Variants in MIB1 observed in about 807,000 individuals in gnomAD.
The protein encoded by MIB1 is E3 ubiquitin-protein ligase MIB1.
MIB1 carries 278 observed loss-of-function variants against 124.5 expected under a neutral mutation model. The ratio of observed to expected loss-of-function variants is 2.23; its 90% CI spans 2.02 to 2.47. MIB1 has a LOEUF of 2.47. MIB1 is among the 30% of genes most tolerant of loss of function. The pLI is 0.00. For synonymous variants in MIB1, 446 were observed against 429.4 expected (o/e 1.04, Z -0.48); for missense variants, 957 against 1,254.4 (o/e 0.76, Z 3.58).
At chr18:21,748,729 CCT>C (rs1568185146) in intron 1 of MIB1, among the ~76,000 whole-genome samples, 1 of 136,928 alleles carries the variant, frequency 7.3e-6, no homozygotes, top group African/African-American at 2.9e-5. Context: ...TCATGCCCAG[CCT>C]TTTTTTTTTT....
chr18:21,729,791 A>C (rs2040759685), intron 1 of MIB1, among the ~76,000 whole-genome samples: 1 of 152,168 alleles, frequency 6.6e-6, no homozygotes, highest in African/African-American at 2.4e-5. Flanking sequence ...CACCCAGCTC[A>C]AGCCTCTCTT....
intron 1 of MIB1, among the ~76,000 whole-genome samples, chr18:21,730,574 A>G (rs988764650): frequency 6.6e-6 from 1 of 151,976 alleles, no homozygotes; most frequent in Non-Finnish European, 1.5e-5. Flanking sequence ...TCTAAAAAAA[A>G]CCAACCATAC....
chr18:21,842,873 T>C (rs956637592), intron 13 of MIB1, among the ~76,000 whole-genome samples: 1 of 152,222 alleles, frequency 6.6e-6, no homozygotes, highest in African/African-American at 2.4e-5. Flanking sequence ...CTTTGTCCTT[T>C]TTAACTGTTC....
At chr18:21,734,307 G>T (rs1455782961) in intron 1 of MIB1, among the ~76,000 whole-genome samples, 1 of 150,108 alleles carries the variant, frequency 6.7e-6, no homozygotes, top group East Asian at 2.0e-4. Context: ...GGGTTTCACC[G>T]TGTTGGCCAG....
At chr18:21,834,650 G>A (rs990402185) in intron 12 of MIB1, among the ~76,000 whole-genome samples, 1 of 152,152 alleles carries the variant, frequency 6.6e-6, no homozygotes, top group Non-Finnish European at 1.5e-5. Context: ...CATGAGAAAA[G>A]CATCAGACAA....
chr18:21,750,897 A>G (rs1340569968), intron 1 of MIB1, among the ~76,000 whole-genome samples: 7 of 151,736 alleles, frequency 4.6e-5, no homozygotes, highest in Admixed American at 3.9e-4. Flanking sequence ...GCTTCTTTTT[A>G]TGTTGTAAGA....
At chr18:21,820,027 AC>A (rs1171554418) in intron 12 of MIB1, among the ~76,000 whole-genome samples, 6 of 152,236 alleles carry the variant, frequency 3.9e-5, no homozygotes, top group Admixed American at 2.6e-4. Context: ...CTAAATAAAT[AC>A]TAAGTTACCT....
intron 20 of MIB1, 102 bp from the exon 21 acceptor site, chr18:21,864,421 ATAT>A (rs2042303760): frequency 1.1e-6 from 1 of 921,076 alleles, no homozygotes; most frequent in South Asian, 2.0e-5. Context: ...AACCACCAAA[ATAT>A]TATTTGACTA....
Position 21,823,231 on chromosome 18 carries a change from CAA to C in MIB1, c.1829+3601_1829+3602del, listed in dbSNP as rs11315288. 9.0e-3 allele frequency among the ~76,000 whole-genome samples: 1,171 copies of C among 129,830 alleles called. 6 individuals carry two copies. Among genetic ancestry groups the C allele is most frequent in the Admixed American group, 0.012 (153 of 13,008 alleles). The allele number at this position is 129,830 out of a possible 152,430, so 85.2% of individuals were successfully genotyped here. On this transcript the variant is annotated intron_variant, in intron 12 of 20. Transcript: ENST00000261537. ...TCTGGGTTACAGATCAAGACTGTATCAAAAAAAAAAAAAAAAAGAATCAGCTG... is the reference window on the plus strand; with the variant it reads ...TCTGGGTTACAGATCAAGACTGTATCAAAAAAAAAAAAAAAGAATCAGCTG...
rs1220201208 is a variant in MIB1, at chr18:21,825,852, T to G, written c.1829+6206T>G. 5 of 418,242 alleles carry G rather than the reference T, an allele frequency of 1.2e-5. No homozygotes were observed. In the Admixed American group the frequency reaches 1.7e-4, roughly 14 times the overall value. The allele number at this position is 418,242 out of a possible 1,614,324, so 25.9% of individuals were successfully genotyped here. The stretch of plus-strand genomic sequence containing the variant: ...ATTGGTAAAATTACAGTCATGGACC[T>G]TCTACAAGTGTTAGAAATTATCATA... On this transcript the variant is annotated intron_variant, in intron 12 of 20. Coordinates refer to ENST00000261537, the MANE Select transcript of MIB1 (RefSeq NM_020774.4).
At chr18:21,736,350 T>C (rs2040796945), upstream of MIB1, among the ~76,000 whole-genome samples, 1 of 151,918 alleles carries the variant, frequency 6.6e-6, no homozygotes, top group Non-Finnish European at 1.5e-5. Context: ...AAAAAGGACG[T>C]CATCCGAAGG....
At chr18:21,840,627 GTATATATATATATATATATA>G (rs57360671) in intron 13 of MIB1, among the ~76,000 whole-genome samples, 3,085 of 110,576 alleles carry the variant, frequency 0.028, 87 homozygotes, top group African/African-American at 0.074. Flanking sequence ...CATCTCTACT[GTATATATATATATATATATA>G]TATATATATA....
At chr18:21,739,737 C>A (rs903026075), upstream of MIB1, among the ~76,000 whole-genome samples, 2 of 151,836 alleles carry the variant, frequency 1.3e-5, no homozygotes, top group African/African-American at 2.4e-5. Context: ...CACTGCCCCC[C>A]CGCTCATCTC....
Position 21,864,620 on chromosome 18 carries a change from G to A in MIB1, c.2975G>A (p.Cys992Tyr), listed in dbSNP as rs761593152. The part of the protein sequence containing the change: ...CQLCGDRMSE[C>Y]PICRKAIERR... Reference sequence around the variant, plus strand: ...CTCTGTGGAGACCGCATGAGTGAATGTCCTATCTGTCGCAAGGCTATTGAA... The same window carrying A: ...CTCTGTGGAGACCGCATGAGTGAATATCCTATCTGTCGCAAGGCTATTGAA... Residue 992 changes from cysteine (C) to tyrosine (Y), a missense_variant, in exon 21 of 21, where the codon TGT (cysteine) becomes TAT (tyrosine). Physicochemically the swap from Cys to Tyr is radical, Grantham distance 194. Coordinates refer to ENST00000261537, the MANE Select transcript of MIB1 (RefSeq NM_020774.4). 1.9e-6 allele frequency: 3 copies of A among 1,613,806 alleles called. No individual in the cohort carries two copies. The highest frequency in any genetic ancestry group is 2.5e-6 in the Non-Finnish European group (3 of 1,179,760).
intron 20 of MIB1, among the ~76,000 whole-genome samples, chr18:21,862,123 G>A (rs987892445): frequency 4.6e-5 from 7 of 152,054 alleles, no homozygotes; most frequent in African/African-American, 1.2e-4. Flanking sequence ...TCTTGAATTC[G>A]TGGGCTCAAG....
At chr18:21,774,420 C>G (rs2041257059) in intron 4 of MIB1, among the ~76,000 whole-genome samples, 1 of 152,148 alleles carries the variant, frequency 6.6e-6, no homozygotes, top group Admixed American at 6.5e-5. Flanking sequence ...GAAACCCTGT[C>G]TTTACTAAAA....
At chr18:21,847,217 T>G in intron 16 of MIB1, 92 bp downstream of exon 16, 1 of 1,100,214 alleles carries the variant, frequency 9.1e-7, no homozygotes, top group Non-Finnish European at 1.3e-6. Context: ...TGAAAATGTC[T>G]TCATCTTTGC....
intron 12 of MIB1, among the ~76,000 whole-genome samples, chr18:21,824,809 T>A (rs982767912): frequency 6.6e-6 from 1 of 151,830 alleles, no homozygotes; most frequent in African/African-American, 2.4e-5. Flanking sequence ...TGTTTGTCTC[T>A]ATTAAATAAT....
At chr18:21,791,580 T>C (rs1243367644) in intron 7 of MIB1, 23 bp downstream of exon 7, 2 of 1,572,692 alleles carry the variant, frequency 1.3e-6, no homozygotes, top group African/African-American at 2.7e-5. Context: ...AGAATAATTC[T>C]GGGCTAGAAA....
Sources: gnomAD v4.1 joint callset for allele counts (sites outside exome capture counted in the v4.1 genomes callset) on GRCh38, gnomAD v4.1.1 for gene constraint, MANE v1.5 for transcripts, NCBI Gene and HGNC (gene_info 2026-07-23, HGNC 2026-07-21) for gene names.